Variants in ABR observed in about 807,000 individuals in gnomAD.
The protein encoded by ABR is active breakpoint cluster region-related protein.
ABR carries 35 observed loss-of-function variants against 107.2 expected under a neutral mutation model. The ratio of observed to expected loss-of-function variants is 0.33; its 90% CI spans 0.25 to 0.43. The LOEUF is 0.43. Ranked by LOEUF, ABR falls within the 20% of genes least tolerant of loss-of-function variation. The pLI is 1.00. For synonymous variants in ABR, 498 were observed against 462.0 expected (o/e 1.08, Z -1.00); for missense variants, 815 against 1,115.2 (o/e 0.73, Z 3.83).
At chr17:1,225,148 CAAA>C (rs57761576) in intron 1 of ABR, among the ~76,000 whole-genome samples, 9 of 119,060 alleles carry the variant, frequency 7.6e-5, no homozygotes, top group Non-Finnish European at 8.6e-5. Context: ...GACTCCATCT[CAAA>C]AAAAAAAAAA....
rs143851888 is a variant in ABR, at chr17:1,175,830, G to A, written c.61+3837C>T. 5.8e-3 allele frequency among the ~76,000 whole-genome samples: 886 copies of A among 152,260 alleles called. 11 individuals are homozygous for A. Among genetic ancestry groups the A allele is most frequent in the African/African-American group, 0.02 (835 of 41,538 alleles). On this transcript the variant is annotated intron_variant, in intron 1 of 22. Transcript: ENST00000302538. The stretch of plus-strand genomic sequence containing the variant: ...TTCAGGGCCGGGCGCGGTGGCTCAC[G>A]CCTGTAATCCCAGCACTTTGGGAGG...
chr17:1,201,319 C>G (rs1014645062), intron 1 of ABR, among the ~76,000 whole-genome samples: 8 of 152,168 alleles, frequency 5.3e-5, no homozygotes, highest in African/African-American at 1.9e-4. Context: ...GAGCTTCAGT[C>G]TCTTCAGTAA....
chr17:1,227,399 T>C (rs892312093), intron 1 of ABR, among the ~76,000 whole-genome samples: 29 of 152,042 alleles, frequency 1.9e-4, no homozygotes, highest in African/African-American at 6.0e-4. Flanking sequence ...TAGGGTGAAA[T>C]CTTCAGGCTC....
intron 2 of ABR, chr17:1,115,439 G>A (rs2038939830): frequency 6.6e-6 from 1 of 152,270 alleles, no homozygotes; most frequent in Non-Finnish European, 1.5e-5. Flanking sequence ...CCTCCAGACT[G>A]TATGAAGCTC....
At chr17:1,098,230 G>A (rs949951824) in intron 3 of ABR, among the ~76,000 whole-genome samples, 4 of 152,040 alleles carry the variant, frequency 2.6e-5, no homozygotes, top group Admixed American at 6.6e-5. Flanking sequence ...TCGCCACCAC[G>A]CCCGGCTAAT....
At chr17:1,132,615 G>T (rs2039896847) in intron 1 of ABR, among the ~76,000 whole-genome samples, 1 of 151,922 alleles carries the variant, frequency 6.6e-6, no homozygotes, top group Non-Finnish European at 1.5e-5. Flanking sequence ...CTGACCTTGT[G>T]ATCCACCCAC....
chr17:1,085,084 G>T (rs2036504873), intron 4 of ABR, among the ~76,000 whole-genome samples: 1 of 150,398 alleles, frequency 6.6e-6, no homozygotes, highest in Non-Finnish European at 1.5e-5. Flanking sequence ...TTACAGGTGT[G>T]AGCCACTGCG....
intron 1 of ABR, among the ~76,000 whole-genome samples, chr17:1,153,490 G>C (rs1304044624): frequency 7.8e-6 from 1 of 128,604 alleles, no homozygotes; most frequent in Non-Finnish European, 1.6e-5. Flanking sequence ...GCACACCTAC[G>C]GGAGGGCTGG....
chr17:1,038,838 A>C (rs1291846087), intron 16 of ABR, among the ~76,000 whole-genome samples: 2 of 152,198 alleles, frequency 1.3e-5, no homozygotes, highest in Non-Finnish European at 2.9e-5. Context: ...CCTTCTCTTG[A>C]AGCTTTCAGA....
At chr17:1,199,531 C>T (rs958835843) in intron 1 of ABR, among the ~76,000 whole-genome samples, 9 of 151,420 alleles carry the variant, frequency 5.9e-5, no homozygotes, top group Non-Finnish European at 1.2e-4. Flanking sequence ...TCACCGCAGC[C>T]TCCCCCTCCC....
chr17:1,151,466 G>A (rs1300182686), intron 1 of ABR, among the ~76,000 whole-genome samples: 6 of 152,104 alleles, frequency 3.9e-5, no homozygotes, highest in African/African-American at 1.2e-4. Flanking sequence ...CTTCCTGGGC[G>A]TGACACCCTC....
At chr17:1,151,267 TCA>T (rs985821387) in intron 1 of ABR, among the ~76,000 whole-genome samples, 1 of 152,148 alleles carries the variant, frequency 6.6e-6, no homozygotes, top group Non-Finnish European at 1.5e-5. Context: ...TGCCAGGCTC[TCA>T]CAGAGGCCCT....
At chr17:1,155,226 T>A (rs1406293538) in intron 1 of ABR, among the ~76,000 whole-genome samples, 1 of 151,612 alleles carries the variant, frequency 6.6e-6, no homozygotes, top group Non-Finnish European at 1.5e-5. Context: ...ATCCACGGAG[T>A]CACGTTGAGT....
At chr17:1,188,994 C>T (rs1047263726), upstream of ABR, among the ~76,000 whole-genome samples, 1 of 152,208 alleles carries the variant, frequency 6.6e-6, no homozygotes, top group Admixed American at 6.5e-5. Context: ...CGTGAAACCT[C>T]GTGACTCCTA....
At chr17:1,060,834 T>C (rs768745778) in intron 10 of ABR, among the ~76,000 whole-genome samples, 3 of 151,508 alleles carry the variant, frequency 2.0e-5, no homozygotes, top group Non-Finnish European at 4.4e-5. Context: ...CTACTAAAAA[T>C]ACAAAAAATT....
At chr17:1,034,886 G>A (rs2073052387) in intron 16 of ABR, among the ~76,000 whole-genome samples, 1 of 152,118 alleles carries the variant, frequency 6.6e-6, no homozygotes, top group Non-Finnish European at 1.5e-5. Context: ...GGGGCCGTGT[G>A]AATCCCGTTC....
chr17:1,022,120 A>AAACAAAAAAAAC lies in ABR; in HGVS notation c.1792-8957_1792-8956insGTTTTTTTTGTT, dbSNP rs1555534384. On this transcript the variant is annotated intron_variant, in intron 16 of 22. Coordinates refer to ENST00000302538, the MANE Select transcript of ABR (RefSeq NM_021962.5). ...AGACTCTGTCTCAAAAAAAAAAAAA[A>AAACAAAAAAAAC]AAAAACAGAAAATGACTCCAGAAGG... Among the ~76,000 whole-genome samples the AAACAAAAAAAAC allele has an allele frequency of 1.5e-3, 181 of 118,398 alleles. 12 individuals carry two copies. Among genetic ancestry groups the AAACAAAAAAAAC allele is most frequent in the African/African-American group, 6.2e-3 (169 of 27,380 alleles). The allele number at this position is 118,398 out of a possible 152,430, so 77.7% of individuals were successfully genotyped here. A position where few individuals can be genotyped will look rare whatever the true frequency, so the allele number is the denominator to read the frequency against.
chr17:1,225,608 C>A (rs9330550), intron 1 of ABR, among the ~76,000 whole-genome samples: 1 of 151,896 alleles, frequency 6.6e-6, no homozygotes, highest in Non-Finnish European at 1.5e-5. Context: ...CCCGAGATGA[C>A]GCCACTGCAC....
intron 1 of ABR, among the ~76,000 whole-genome samples, chr17:1,146,290 C>G (rs1037272418): frequency 6.6e-6 from 1 of 151,208 alleles, no homozygotes; most frequent in Non-Finnish European, 1.5e-5. Flanking sequence ...CACACACACA[C>G]ACACACATCA....
Sources: gnomAD v4.1 joint callset for allele counts (sites outside exome capture counted in the v4.1 genomes callset) on GRCh38, gnomAD v4.1.1 for gene constraint, MANE v1.5 for transcripts, NCBI Gene and HGNC (gene_info 2026-07-23, HGNC 2026-07-21) for gene names.